The following ZBTB41 variants were observed in gnomAD, a reference collection of about 807,000 sequenced individuals.
ZBTB41 encodes zinc finger and BTB domain-containing protein 41.
Under a neutral mutation model 87.6 loss-of-function variants are expected in ZBTB41, and 42 were observed. The ratio of observed to expected loss-of-function variants is 0.48; its 90% CI spans 0.37 to 0.62. ZBTB41 has a LOEUF of 0.62. ZBTB41 is among the 20% of genes least tolerant of loss of function. The probability of loss-of-function intolerance (pLI) is 0.00; values close to 1 mark genes in which losing one functional copy is unlikely to be tolerated. For synonymous variants in ZBTB41, 364 were observed against 364.0 expected (o/e 1.00, Z 0.00); for missense variants, 799 against 1,078.9 (o/e 0.74, Z 3.63).
At position 197,175,204 on chromosome 1, in the gene ZBTB41, G is replaced by C. The variant is rs1006166522; in HGVS notation, c.1880-89C>G. ...AAACTATCAAACAGTAAGATCACATGATGTCAAATATAACAGGAAAGTAAA... is the reference window on the plus strand; with the variant it reads ...AAACTATCAAACAGTAAGATCACATCATGTCAAATATAACAGGAAAGTAAA... On this transcript the variant is annotated intron_variant, in intron 8 of 10. Coordinates refer to ENST00000367405, the MANE Select transcript of ZBTB41 (RefSeq NM_194314.3). The C allele has an allele frequency of 3.4e-5, 36 of 1,053,954 alleles. No homozygotes were observed. In the Middle Eastern group the frequency reaches 6.4e-4, roughly 19 times the overall value. The allele number at this position is 1,053,954 out of a possible 1,614,324, so 65.3% of individuals were successfully genotyped here.
chr1:197,185,102 C>T (rs932128636), intron 5 of ZBTB41, among the ~76,000 whole-genome samples: 1 of 152,172 alleles, frequency 6.6e-6, no homozygotes, highest in African/African-American at 2.4e-5. Flanking sequence ...GCGTGAGTCA[C>T]CGCACACAGC....
intron 10 of ZBTB41, among the ~76,000 whole-genome samples, chr1:197,161,584 T>G (rs1473267671): frequency 6.8e-6 from 1 of 146,938 alleles, no homozygotes; most frequent in East Asian, 2.0e-4. Flanking sequence ...ACATTATTAC[T>G]GATGTCATTA....
intron 10 of ZBTB41, among the ~76,000 whole-genome samples, chr1:197,166,761 C>T (rs529366551): frequency 2.6e-4 from 39 of 151,850 alleles, no homozygotes; most frequent in Admixed American, 1.3e-3. Flanking sequence ...GCAGGAGAAT[C>T]GCTTGAACCC....
At position 197,159,960 on chromosome 1, in the gene ZBTB41, G is replaced by A; in HGVS notation, c.2129C>T (p.Thr710Ile). The change falls in exon 11 of 11, where the codon ACA (threonine) becomes ATA (isoleucine). Residue 710 changes from threonine (T) to isoleucine (I), a missense_variant. Thr to Ile is a moderately conservative substitution (Grantham distance 89). Coordinates refer to ENST00000367405, the MANE Select transcript of ZBTB41 (RefSeq NM_194314.3). The stretch of plus-strand genomic sequence containing the variant: ...ATGAATAACCAGGTGTTTTGTTAAT[G>A]TTTTCTTAATTCTAAAAGACTGATT... ...ICNQSFRIKK[T>I]LTKHLVIHSD... 6.2e-7 allele frequency: 1 copy of A among 1,613,546 alleles called. No individual in the cohort carries two copies. Among genetic ancestry groups the A allele is most frequent in the Non-Finnish European group, 8.5e-7 (1 of 1,179,702 alleles).
intron 10 of ZBTB41, among the ~76,000 whole-genome samples, chr1:197,167,282 A>G (rs906852590): frequency 3.3e-5 from 5 of 152,054 alleles, no homozygotes; most frequent in African/African-American, 1.2e-4. Context: ...TGCAGCCTCA[A>G]TTTCCCCGGC....
At chr1:197,191,666 T>G in intron 3 of ZBTB41, 26 bp downstream of exon 3, 1 of 1,583,450 alleles carries the variant, frequency 6.3e-7, no homozygotes, top group South Asian at 1.2e-5. Flanking sequence ...CAATAAAGTA[T>G]ATTATGGAAG....
chr1:197,186,614 C>T (rs896020116), intron 5 of ZBTB41, among the ~76,000 whole-genome samples: 3 of 152,182 alleles, frequency 2.0e-5, no homozygotes, highest in African/African-American at 7.2e-5. Context: ...GTAATCCCAG[C>T]ACTTTGGGAG....
At chr1:197,168,658 C>A (rs982604769) in intron 10 of ZBTB41, among the ~76,000 whole-genome samples, 7 of 151,976 alleles carry the variant, frequency 4.6e-5, no homozygotes, top group Admixed American at 3.9e-4. Context: ...TAAAATAAAT[C>A]TTCTAGAAGG....
intron 5 of ZBTB41, 75 bp downstream of exon 5, chr1:197,188,217 C>A: frequency 6.6e-7 from 1 of 1,520,250 alleles, no homozygotes; most frequent in Non-Finnish European, 9.0e-7. Flanking sequence ...AGTAATTCAG[C>A]TATAGAAGGC....
intron 8 of ZBTB41, 27 bp downstream of exon 8, chr1:197,176,537 G>A (rs1181049535): frequency 6.0e-6 from 9 of 1,494,022 alleles, no homozygotes; most frequent in Non-Finnish European, 5.6e-6. Flanking sequence ...AAGGATTTTC[G>A]AACTAGCATT....
At chr1:197,176,499 C>A in intron 8 of ZBTB41, 65 bp downstream of exon 8, 2 of 1,078,856 alleles carry the variant, frequency 1.9e-6, no homozygotes, top group South Asian at 1.4e-5. Context: ...AACATAACAT[C>A]ATATTATGTT....
At position 197,155,672 on chromosome 1, in the gene ZBTB41, T is replaced by G. The variant is rs1018142244; in HGVS notation, c.*3687A>C. The G allele has an allele frequency of 6.6e-6, 1 of 152,280 alleles. No individual in the cohort carries two copies. The highest frequency in any genetic ancestry group is 2.4e-5 in the African/African-American group (1 of 41,392). The allele number at this position is 152,280 out of a possible 1,614,324, so 9.4% of individuals were successfully genotyped here. On this transcript the variant is annotated 3_prime_UTR_variant, in exon 11 of 11. Coordinates refer to ENST00000367405, the MANE Select transcript of ZBTB41 (RefSeq NM_194314.3). ...TTAACCCTTAATTAGCAGTTTAGAGTCACCCTACAAAGATGCTTTGACACT... is the reference window on the plus strand; with the variant it reads ...TTAACCCTTAATTAGCAGTTTAGAGGCACCCTACAAAGATGCTTTGACACT...
At position 197,197,553 on chromosome 1, in the gene ZBTB41, G is replaced by GAGGGAGGGAAGGAGGGAGGA. The variant is rs1364235458; in HGVS notation, c.1120+1800_1120+1801insTCCTCCCTCCTTCCCTCCCT. Among the ~76,000 whole-genome samples the GAGGGAGGGAAGGAGGGAGGA allele has an allele frequency of 3.7e-4, 7 of 19,082 alleles. No homozygotes were observed. In the Admixed American group the frequency reaches 4.2e-3, roughly 11 times the overall value. The allele number at this position is 19,082 out of a possible 152,430, so 12.5% of individuals were successfully genotyped here. On this transcript the variant is annotated intron_variant, in intron 2 of 10. Transcript: ENST00000367405. The stretch of plus-strand genomic sequence containing the variant: ...GAAGGGGAAGGGGACAGGAGGGAGA[G>GAGGGAGGGAAGGAGGGAGGA]AGGGAGGGAAGGAGGGAGGGAGGGA...
intron 5 of ZBTB41, among the ~76,000 whole-genome samples, chr1:197,182,920 C>G (rs1659789116): frequency 6.6e-6 from 1 of 152,108 alleles, no homozygotes; most frequent in Admixed American, 6.5e-5. Flanking sequence ...TCTCCAGGTG[C>G]TTGTGATATA....
intron 6 of ZBTB41, 70 bp downstream of exon 6, chr1:197,180,918 A>G: frequency 6.7e-7 from 1 of 1,495,412 alleles, no homozygotes; most frequent in Non-Finnish European, 8.9e-7. Flanking sequence ...TAATTCCTAT[A>G]AATCATATTG....
In ZBTB41 at chr1:197,191,643, A is replaced by G. The variant is rs560332517; in HGVS notation, c.1328+49T>C. The G allele has an allele frequency of 8.2e-6, 12 of 1,464,534 alleles. No homozygotes were observed. In the African/African-American group the frequency reaches 1.6e-4, roughly 19 times the overall value. The allele number at this position is 1,464,534 out of a possible 1,614,324, so 90.7% of individuals were successfully genotyped here. A position where few individuals can be genotyped will look rare whatever the true frequency, so the allele number is the denominator to read the frequency against. On this transcript the variant is annotated intron_variant, in intron 3 of 10. Coordinates refer to ENST00000367405, the MANE Select transcript of ZBTB41 (RefSeq NM_194314.3). The stretch of plus-strand genomic sequence containing the variant: ...GATGTTTTTAGCTTTCCACATATTT[A>G]AATTAAAAGGCACAATAAAGTATAT...
At chr1:197,191,018 C>T (rs1361401766) in intron 3 of ZBTB41, among the ~76,000 whole-genome samples, 187 bp from the exon 4 acceptor site, 1 of 151,962 alleles carries the variant, frequency 6.6e-6, no homozygotes, top group African/African-American at 2.4e-5. Context: ...GAACCTAGCT[C>T]TTTATAGATA....
At position 197,189,261 on chromosome 1, in the gene ZBTB41, C is replaced by G. The variant is rs750318776; in HGVS notation, c.1399-822G>C. On this transcript the variant is annotated intron_variant, in intron 4 of 10. Coordinates refer to ENST00000367405, the MANE Select transcript of ZBTB41 (RefSeq NM_194314.3). ...CCTAGGCTGGGCACAGCAGCTCACC[C>G]CTGTAATCCCGGGAAGCACTTTGGG... is the stretch of plus-strand genomic sequence containing the variant. Among the ~76,000 whole-genome samples the G allele has an allele frequency of 8.5e-5, 13 of 152,108 alleles. 1 individual carries two copies. Among genetic ancestry groups the G allele is most frequent in the Non-Finnish European group, 1.8e-4 (12 of 67,998 alleles).
intron 7 of ZBTB41, among the ~76,000 whole-genome samples, chr1:197,177,654 A>G (rs1246748551): frequency 6.6e-6 from 1 of 152,116 alleles, no homozygotes; most frequent in African/African-American, 2.4e-5. Context: ...GACAGTATAA[A>G]AGGCTCAGAT....
Sources: gnomAD v4.1 joint callset for allele counts (sites outside exome capture counted in the v4.1 genomes callset) on GRCh38, gnomAD v4.1.1 for gene constraint, MANE v1.5 for transcripts, NCBI Gene and HGNC (gene_info 2026-07-23, HGNC 2026-07-21) for gene names.